ZNF184: variants seen among roughly 807,000 people sequenced by gnomAD.
ZNF184 encodes zinc finger protein 184 (Kruppel-like).
A neutral mutation model predicts 54.4 loss-of-function variants in ZNF184; 16 were observed. The observed-to-expected ratio is 0.29, with a 90% CI of 0.20 to 0.45. ZNF184 has a LOEUF of 0.45. Ranked by LOEUF, ZNF184 falls within the 20% of genes least tolerant of loss-of-function variation. ZNF184 has a pLI of 1.00. For missense variants in ZNF184, 681 were observed against 888.2 expected (o/e 0.77, Z 2.97); for synonymous variants, 254 against 295.3 (o/e 0.86, Z 1.43).
At chr6:27,463,854 G>GA in intron 3 of ZNF184, among the ~76,000 whole-genome samples, 1 of 150,304 alleles carries the variant, frequency 6.7e-6, no homozygotes, top group African/African-American at 2.5e-5. Flanking sequence ...ATAGAAACCT[G>GA]AAAGTATTAT....
chr6:27,471,572 G>T (rs951346825), intron 2 of ZNF184, among the ~76,000 whole-genome samples: 1 of 152,164 alleles, frequency 6.6e-6, no homozygotes. Flanking sequence ...TTTACCATTA[G>T]GCACTGCATT....
At chr6:27,425,084 A>T in the ZNF184 span, among the ~76,000 whole-genome samples, 1 of 152,204 alleles carries the variant, frequency 6.6e-6, no homozygotes, top group Non-Finnish European at 1.5e-5. Context: ...CAAGCCCCTC[A>T]TTGCCCGGGG....
chr6:27,421,770 A>G, the ZNF184 span, among the ~76,000 whole-genome samples: 1 of 152,218 alleles, frequency 6.6e-6, no homozygotes, highest in Non-Finnish European at 1.5e-5. Context: ...CATTTTCTCT[A>G]GAAATTCAGA....
At position 27,452,987 on chromosome 6, in the gene ZNF184, G is replaced by A; in HGVS notation, c.572C>T (p.Ser191Leu). Residue 191 changes from serine (S) to leucine (L), a missense_variant, in exon 6 of 6, where the codon TCA (serine) becomes TTA (leucine). Coordinates refer to ENST00000683788, the MANE Select transcript of ZNF184 (RefSeq NM_001318891.2). The surrounding 1 kb of genome is among the most constrained non-coding windows in gnomAD (Gnocchi z 5.5). ...AGATGGTTCTTGTGTTACAAGGTTT[G>A]AACTCACATTGACACTTTTCCCAAA... ...NEFGKSVNVSSNLVTQEPSPE... is the reference protein window; with the variant it reads ...NEFGKSVNVSLNLVTQEPSPE... The A allele has an allele frequency of 1.2e-6, 2 of 1,614,134 alleles. No individual in the cohort carries two copies. The highest frequency in any genetic ancestry group is 1.7e-6 in the Non-Finnish European group (2 of 1,180,024).
In ZNF184 at chr6:27,453,345, A is replaced by G; in HGVS notation, c.299-85T>C. ...GGGAATAATATAATGATACTGAAAAATAAATCTCTCAGAAAATTCTAATGG... is the reference window on the plus strand; with the variant it reads ...GGGAATAATATAATGATACTGAAAAGTAAATCTCTCAGAAAATTCTAATGG... On this transcript the variant is annotated intron_variant, in intron 5 of 5. Coordinates refer to ENST00000683788, the MANE Select transcript of ZNF184 (RefSeq NM_001318891.2). This position sits in a 1 kb window ranked among gnomAD's most constrained non-coding sequence, Gnocchi z 4.7. The G allele has an allele frequency of 1.5e-6, 2 of 1,312,662 alleles. No individual in the cohort carries two copies. The highest frequency in any genetic ancestry group is 2.0e-6 in the Non-Finnish European group (2 of 993,678). The allele number at this position is 1,312,662 out of a possible 1,614,324, so 81.3% of individuals were successfully genotyped here.
chr6:27,412,617 A>G, the ZNF184 span, among the ~76,000 whole-genome samples: 59 of 152,366 alleles, frequency 3.9e-4, no homozygotes, highest in African/African-American at 1.4e-3. Context: ...CCTAAGCCAA[A>G]TATGAGTGAC....
At position 27,452,218 on chromosome 6, in the gene ZNF184, A is replaced by G; in HGVS notation, c.1341T>C (p.Asp447=). ...QKTHTGEKPY[D]CAECGKSFSY... Reference sequence around the variant, plus strand: ...TAAAAGATTTTCCACATTCTGCACAATCATAGGGTTTCTCCCCAGTATGAG... The same window carrying G: ...TAAAAGATTTTCCACATTCTGCACAGTCATAGGGTTTCTCCCCAGTATGAG... The change falls in exon 6 of 6, where the codon GAT becomes GAC. Residue 447 remains aspartate, a synonymous_variant. Transcript: ENST00000683788. The surrounding 1 kb of genome is among the most constrained non-coding windows in gnomAD (Gnocchi z 5.5). 6.2e-7 allele frequency: 1 copy of G among 1,613,594 alleles called. No individual in the cohort carries two copies. The highest frequency in any genetic ancestry group is 2.2e-5 in the East Asian group (1 of 44,818).
the ZNF184 span, among the ~76,000 whole-genome samples, chr6:27,422,150 AAGAAAG>A: frequency 3.3e-4 from 11 of 33,168 alleles, no homozygotes; most frequent in African/African-American, 9.1e-4. Flanking sequence ...CAAAAAAAAA[AAGAAAG>A]AAAGAAAGAA....
rs77642265 is a variant in ZNF184 at position 27,467,384 on chromosome 6, A to T, written c.75+469T>A. On this transcript the variant is annotated intron_variant, in intron 3 of 5. Transcript: ENST00000683788. Reference sequence around the variant, plus strand: ...GCCAAAGTGGATGGATCATGAGGTCAGGAGTTTGAGACCAGCATCACCAGC... The same window carrying T: ...GCCAAAGTGGATGGATCATGAGGTCTGGAGTTTGAGACCAGCATCACCAGC... Among the ~76,000 whole-genome samples, 1,301 of 152,268 alleles carry T rather than the reference A, an allele frequency of 8.5e-3. 23 individuals are homozygous for T. The highest frequency in any genetic ancestry group is 0.03 in the African/African-American group (1,242 of 41,560).
chr6:27,408,222 G>A, the ZNF184 span, among the ~76,000 whole-genome samples: 88,577 of 152,044 alleles, frequency 0.58, 26,785 homozygotes, highest in Middle Eastern at 0.76. Flanking sequence ...TATTGGACAA[G>A]GGCTTGCTTT....
chr6:27,410,543 C>CT, the ZNF184 span, among the ~76,000 whole-genome samples: 5,418 of 152,064 alleles, frequency 0.036, 202 homozygotes, highest in African/African-American at 0.094. Context: ...ATGGGAGGTT[C>CT]TTTTTTTAGA....
the ZNF184 span, among the ~76,000 whole-genome samples, chr6:27,421,687 C>T: frequency 1.3e-5 from 2 of 152,178 alleles, no homozygotes; most frequent in Admixed American, 1.3e-4. Flanking sequence ...GACAACCCAG[C>T]TAATTCAACA....
At chr6:27,415,726 G>A in the ZNF184 span, among the ~76,000 whole-genome samples, 1 of 152,098 alleles carries the variant, frequency 6.6e-6, no homozygotes, top group Non-Finnish European at 1.5e-5. Context: ...ACATTATAGC[G>A]GTTGAAAAAG....
the ZNF184 span, among the ~76,000 whole-genome samples, chr6:27,429,303 T>G: frequency 2.0e-5 from 3 of 152,226 alleles, no homozygotes; most frequent in African/African-American, 4.8e-5. Context: ...TTGCTTCTAC[T>G]TTGTTGTATT....
At chr6:27,460,600 T>G (rs569675322) in intron 3 of ZNF184, among the ~76,000 whole-genome samples, 53 of 152,250 alleles carry the variant, frequency 3.5e-4, no homozygotes, top group African/African-American at 1.2e-3. Context: ...CTTACTGAGC[T>G]GAGGAGACAA....
chr6:27,464,821 C>G (rs1007722701), intron 3 of ZNF184, among the ~76,000 whole-genome samples: 1 of 151,348 alleles, frequency 6.6e-6, no homozygotes, highest in Non-Finnish European at 1.5e-5. Flanking sequence ...TCGAGACCAT[C>G]CTGGCTAACA....
the ZNF184 span, among the ~76,000 whole-genome samples, chr6:27,408,350 A>T: frequency 6.6e-6 from 1 of 152,216 alleles, no homozygotes; most frequent in African/African-American, 2.4e-5. Flanking sequence ...GTAAAACAAC[A>T]GGCTTTGCCA....
In ZNF184 at chr6:27,463,131, G is replaced by C. The variant is rs182363969; in HGVS notation, c.75+4722C>G. Among the ~76,000 whole-genome samples the C allele has an allele frequency of 6.7e-5, 8 of 119,324 alleles. No individual in the cohort carries two copies. The East Asian group carries it at 1.7e-3, about 26-fold the overall frequency. 78.3% of individuals were successfully genotyped at this position (119,324 alleles called of 152,430 possible). Reference sequence around the variant, plus strand: ...CACACTCCGGGGACTGTTGTGGGGTGGGGGGAGGGGGGAGGGACAGCATTA... The same window carrying C: ...CACACTCCGGGGACTGTTGTGGGGTCGGGGGAGGGGGGAGGGACAGCATTA... On this transcript the variant is annotated intron_variant, in intron 3 of 5. Coordinates refer to ENST00000683788, the MANE Select transcript of ZNF184 (RefSeq NM_001318891.2).
chr6:27,429,376 C>T, the ZNF184 span, among the ~76,000 whole-genome samples: 1 of 152,228 alleles, frequency 6.6e-6, no homozygotes, highest in East Asian at 1.9e-4. Context: ...CATTCTTTCT[C>T]AGCTTCACTG....
Sources: gnomAD v4.1 joint callset for allele counts (sites outside exome capture counted in the v4.1 genomes callset) on GRCh38, gnomAD v4.1.1 for gene constraint, Gnocchi (gnomAD v3.1) non-coding constraint, MANE v1.5 for transcripts, NCBI Gene and HGNC (gene_info 2026-07-23, HGNC 2026-07-21) for gene names.